Variants in ODF2L observed in about 807,000 individuals in gnomAD.
ODF2L encodes the protein protein BCAP.
In ODF2L, 76 loss-of-function variants were observed where a neutral mutation model predicts 86.3. The observed-to-expected ratio is 0.88, with a 90% confidence interval of 0.73 to 1.07. ODF2L has a LOEUF of 1.07. ODF2L is among the 50% of genes least tolerant of loss of function. The probability of loss-of-function intolerance (pLI) is 0.00; values close to 1 mark genes in which losing one functional copy is unlikely to be tolerated. For missense variants in ODF2L, 748 were observed against 717.4 expected (o/e 1.04, Z -0.49); for synonymous variants, 241 against 231.3 (o/e 1.04, Z -0.38).
chr1:86,370,538 C>T (rs531644727), intron 10 of ODF2L, among the ~76,000 whole-genome samples: 11 of 152,044 alleles, frequency 7.2e-5, no homozygotes, highest in South Asian at 4.1e-4. Context: ...GTATGTATCT[C>T]TGGTTGACTG....
At chr1:86,369,276 A>C (rs1659641573) in intron 10 of ODF2L, among the ~76,000 whole-genome samples, 1 of 152,246 alleles carries the variant, frequency 6.6e-6, no homozygotes, top group Non-Finnish European at 1.5e-5. Flanking sequence ...GCTAAAAAAA[A>C]ATGGTATTAA....
At chr1:86,356,694 A>C in intron 13 of ODF2L, 92 bp from the exon 13 acceptor site, 1 of 1,076,704 alleles carries the variant, frequency 9.3e-7, no homozygotes, top group Non-Finnish European at 1.3e-6. Context: ...TTATAACGTA[A>C]GTATTTTAGG....
intron 1 of ODF2L, among the ~76,000 whole-genome samples, chr1:86,393,392 A>G (rs71662159): frequency 0.055 from 8,369 of 152,238 alleles, 249 homozygotes; most frequent in South Asian, 0.059. Flanking sequence ...ATGAAAAAAA[A>G]AAAAAGGATA....
chr1:86,358,100 T>C (rs990464063), intron 13 of ODF2L: 1 of 985,350 alleles, frequency 1.0e-6, no homozygotes, highest in Admixed American at 6.2e-5. Flanking sequence ...CTCTGACTTC[T>C]CAATCCTAAG....
At chr1:86,352,140 A>G in exon 18 of ODF2L, 1 of 1,491,258 alleles carries the variant, frequency 6.7e-7, no homozygotes, top group Non-Finnish European at 8.9e-7. Context: ...TAACTCTTGA[A>G]TCTTTTAGGT....
At chr1:86,352,930 T>C (rs1235313307) in exon 17 of ODF2L, 1 of 1,546,092 alleles carries the variant, frequency 6.5e-7, no homozygotes, top group East Asian at 2.3e-5. Flanking sequence ...AGATCTAATA[T>C]TTTAATTTGT....
At chr1:86,359,048 C>T (rs561501804) in intron 12 of ODF2L, among the ~76,000 whole-genome samples, 157 bp from the exon 12 acceptor site, 2 of 152,170 alleles carry the variant, frequency 1.3e-5, no homozygotes, top group Admixed American at 1.3e-4. Context: ...TATGGAATCA[C>T]TCAGTGCTCT....
At chr1:86,365,375 G>GTGCCTAGTATA (rs1659330999) in intron 11 of ODF2L, among the ~76,000 whole-genome samples, 1 of 152,114 alleles carries the variant, frequency 6.6e-6, no homozygotes, top group Non-Finnish European at 1.5e-5. Context: ...TAGAAGTAAT[G>GTGCCTAGTATA]GAAGGATAAA....
At chr1:86,387,804 A>C (rs2101482741) in intron 1 of ODF2L, among the ~76,000 whole-genome samples, 1 of 152,238 alleles carries the variant, frequency 6.6e-6, no homozygotes, top group African/African-American at 2.4e-5. Context: ...ATATGTGGTA[A>C]TGTCTTCCCT....
At chr1:86,352,356 TTAAGC>T (rs1469191375) in intron 17 of ODF2L, 1 of 932,478 alleles carries the variant, frequency 1.1e-6, no homozygotes, top group Admixed American at 3.9e-5. Context: ...AGAAGACTAA[TTAAGC>T]ACAGTCACTT....
In ODF2L at chr1:86,383,211, T is replaced by C; in HGVS notation, c.373-15A>G. On this transcript the variant is annotated splice_polypyrimidine_tract_variant and intron_variant, in intron 4 of 17. Transcript: ENST00000317336. ...TTGTCTCCTGTCTGAGAAAAGAATGTTATAAATCAGTGATCGCAAATTATA... is the reference window on the plus strand; with the variant it reads ...TTGTCTCCTGTCTGAGAAAAGAATGCTATAAATCAGTGATCGCAAATTATA... 1 of 1,461,168 alleles carries C rather than the reference T, an allele frequency of 6.8e-7. No individual in the cohort carries two copies. Among genetic ancestry groups the C allele is most frequent in the Non-Finnish European group, 9.4e-7 (1 of 1,066,168 alleles). The allele number at this position is 1,461,168 out of a possible 1,614,324, so 90.5% of individuals were successfully genotyped here.
intron 11 of ODF2L, among the ~76,000 whole-genome samples, chr1:86,364,665 G>A (rs893132732): frequency 2.6e-5 from 4 of 152,080 alleles, no homozygotes; most frequent in Admixed American, 2.0e-4. Context: ...TTTTTAAAAA[G>A]GGAGGTAATG....
exon 6 of ODF2L, chr1:86,382,936 C>T (rs1660687261): frequency 1.3e-6 from 2 of 1,533,882 alleles, no homozygotes; most frequent in Non-Finnish European, 1.8e-6. Context: ...CTTACCTTTT[C>T]ACTCTGAAAC....
intron 8 of ODF2L, among the ~76,000 whole-genome samples, chr1:86,373,298 C>CTTTTTTT (rs568005356): frequency 7.1e-6 from 1 of 140,222 alleles, no homozygotes; most frequent in African/African-American, 2.6e-5. Flanking sequence ...TTCCATTTTA[C>CTTTTTTT]TTTTTTTTTT....
At chr1:86,393,926 T>C (rs747998182) in intron 1 of ODF2L, among the ~76,000 whole-genome samples, 2 of 152,200 alleles carry the variant, frequency 1.3e-5, no homozygotes, top group Non-Finnish European at 2.9e-5. Context: ...TGAGTGTCCA[T>C]ATAGAGCCCA....
chr1:86,378,633 C>A (rs1660341343), intron 7 of ODF2L, among the ~76,000 whole-genome samples: 1 of 152,052 alleles, frequency 6.6e-6, no homozygotes. Flanking sequence ...GACAGGGAAG[C>A]AGGGACCTTC....
At chr1:86,359,265 G>A (rs1369148555) in intron 12 of ODF2L, among the ~76,000 whole-genome samples, 1 of 149,256 alleles carries the variant, frequency 6.7e-6, no homozygotes, top group Non-Finnish European at 1.5e-5. Context: ...AAAATTCTAG[G>A]CCCTGCACCC....
intron 8 of ODF2L, among the ~76,000 whole-genome samples, chr1:86,374,446 C>T (rs983595649): frequency 3.9e-5 from 6 of 151,948 alleles, no homozygotes; most frequent in Admixed American, 6.6e-5. Context: ...TTGAGTTGGC[C>T]TACCTTTTCT....
intron 13 of ODF2L, among the ~76,000 whole-genome samples, chr1:86,357,194 C>T (rs1254685326): frequency 1.3e-5 from 2 of 152,106 alleles, no homozygotes; most frequent in Admixed American, 6.5e-5. Context: ...TGCAGTTCCT[C>T]GCTGCAGCAC....
Sources: allele counts gnomAD v4.1 joint callset (sites outside exome capture counted in the v4.1 genomes callset), GRCh38; gene constraint gnomAD v4.1.1; transcripts MANE v1.5; gene names NCBI Gene and HGNC (gene_info 2026-07-23, HGNC 2026-07-21).